SERPINA6: variants seen among roughly 807,000 people sequenced by gnomAD.
The protein encoded by SERPINA6 is serpin family A member 6, also known as corticosteroid-binding globulin.
SERPINA6 carries 19 observed loss-of-function variants against 26.4 expected under a neutral mutation model. That is an observed-to-expected ratio of 0.72 (90% CI 0.50 to 1.06). SERPINA6 has a LOEUF of 1.06. Ranked by LOEUF, SERPINA6 falls within the 50% of genes least tolerant of loss-of-function variation. SERPINA6 has a pLI of 0.00. For synonymous variants in SERPINA6, 196 were observed against 199.4 expected (o/e 0.98, Z 0.14); for missense variants, 473 against 504.0 (o/e 0.94, Z 0.59).
intron 2 of SERPINA6, among the ~76,000 whole-genome samples, chr14:94,311,014 G>C (rs1895521411): frequency 6.6e-6 from 1 of 152,190 alleles, no homozygotes; most frequent in African/African-American, 2.4e-5. Context: ...GGGATCTATG[G>C]ATTGCTCAGC....
intron 3 of SERPINA6, among the ~76,000 whole-genome samples, chr14:94,307,217 CT>C (rs1253862484): frequency 6.6e-6 from 1 of 151,916 alleles, no homozygotes; most frequent in Non-Finnish European, 1.5e-5. Context: ...TTTTTCTCCT[CT>C]CTCTGTCTCT....
intron 3 of SERPINA6, among the ~76,000 whole-genome samples, chr14:94,308,799 C>T (rs1895479270): frequency 6.6e-6 from 1 of 152,204 alleles, no homozygotes; most frequent in African/African-American, 2.4e-5. Context: ...ATCCATCCAA[C>T]CATCCACCCA....
intron 1 of SERPINA6, among the ~76,000 whole-genome samples, chr14:94,322,655 C>A (rs1423870337): frequency 1.3e-5 from 2 of 152,238 alleles, no homozygotes; most frequent in Non-Finnish European, 2.9e-5. Flanking sequence ...TCACTGTGTT[C>A]TCTGTTTTCA....
chr14:94,314,035 C>T lies in SERPINA6; in HGVS notation c.613+1G>A, dbSNP rs1387079048. 1 of 1,613,996 alleles carries T rather than the reference C, an allele frequency of 6.2e-7. No individual in the cohort carries two copies. The highest frequency in any genetic ancestry group is 8.5e-7 in the Non-Finnish European group (1 of 1,180,026). On this transcript the variant is annotated splice_donor_variant, in intron 2 of 4. Coordinates refer to ENST00000341584, the MANE Select transcript of SERPINA6 (RefSeq NM_001756.4). LOFTEE classifies it high-confidence loss of function. Reference sequence around the variant, plus strand: ...CTTCAGATGGGGATGGGTGGGAATACCTTTGAAGAAGATATAGTTGACCAG... The same window carrying T: ...CTTCAGATGGGGATGGGTGGGAATATCTTTGAAGAAGATATAGTTGACCAG...
chr14:94,310,409 C>T (rs1400278428), intron 2 of SERPINA6, among the ~76,000 whole-genome samples: 1 of 144,102 alleles, frequency 6.9e-6, no homozygotes, highest in Non-Finnish European at 1.6e-5. Context: ...AGCGAGGGGG[C>T]CATCTCCACC....
chr14:94,323,145 T>TGTTC (rs1254053714), intron 1 of SERPINA6, 122 bp downstream of exon 1: 1 of 152,262 alleles, frequency 6.6e-6, no homozygotes, highest in African/African-American at 2.4e-5. Context: ...GCTGCCCTAA[T>TGTTC]GTTCAATGTG....
At chr14:94,318,617 A>C (rs1354687144) in intron 1 of SERPINA6, among the ~76,000 whole-genome samples, 2 of 152,238 alleles carry the variant, frequency 1.3e-5, no homozygotes, top group Admixed American at 6.5e-5. Context: ...ATTTACATGC[A>C]AAATAATGAA....
At position 94,314,186 on chromosome 14, in the gene SERPINA6, C is replaced by T. The variant is rs1489270021; in HGVS notation, c.463G>A (p.Val155Ile). 8 of 1,614,236 alleles carry T rather than the reference C, an allele frequency of 5.0e-6. No homozygotes were observed. Among genetic ancestry groups the T allele is most frequent in the South Asian group, 1.1e-5 (1 of 91,086 alleles). ...ADIKHYYESE[V>I]LAMNFQDWAT... ...CAGTCCTGGAAATTCATAGCCAAGA[C>T]CTCTGACTCATAGTAGTGCTTGATG... is the stretch of plus-strand genomic sequence containing the variant. The change falls in exon 2 of 5, where the codon GTC becomes ATC. Residue 155 changes from valine to isoleucine, a missense_variant. Physicochemically the swap from Val to Ile is conservative, Grantham distance 29. Coordinates refer to ENST00000341584, the MANE Select transcript of SERPINA6 (RefSeq NM_001756.4).
intron 1 of SERPINA6, among the ~76,000 whole-genome samples, chr14:94,321,033 T>G (rs2139728835): frequency 6.6e-6 from 1 of 152,218 alleles, no homozygotes; most frequent in South Asian, 2.1e-4. Context: ...AGCACTGCCA[T>G]GTATGAATTA....
rs1178611854 is a variant in SERPINA6, at chr14:94,309,843, G to A, written c.777C>T (p.Gly259=). Residue 259 remains glycine (G), a synonymous_variant, in exon 3 of 5, where the codon GGC becomes GGT. Transcript: ENST00000341584. ...PCQLVQMNYV[G]NGTVFFILPD... ...GAAGGATGAAGAAGACAGTCCCATT[G>A]CCCACGTAGTTCATCTGCACCAGCT... 8 of 1,614,044 alleles carry A rather than the reference G, an allele frequency of 5.0e-6. No individual in the cohort carries two copies. Among genetic ancestry groups the A allele is most frequent in the South Asian group, 1.1e-5 (1 of 91,092 alleles).
At position 94,304,390 on chromosome 14, in the gene SERPINA6, A is replaced by T. The variant is rs199664506; in HGVS notation, c.*28T>A. 1.9e-4 allele frequency: 299 copies of T among 1,609,730 alleles called. 1 individual carries two copies. The Admixed American group carries it at 2.6e-3, about 14-fold the overall frequency. On this transcript the variant is annotated 3_prime_UTR_variant, in exon 5 of 5. Coordinates refer to ENST00000341584, the MANE Select transcript of SERPINA6 (RefSeq NM_001756.4). ...GGATCCCTGGTTCCCAAAGTCAGACAGTGCTGAGGCTCTGGGTGGGTGGTC... is the reference window on the plus strand; with the variant it reads ...GGATCCCTGGTTCCCAAAGTCAGACTGTGCTGAGGCTCTGGGTGGGTGGTC...
At chr14:94,306,662 C>T (rs1895446023) in intron 3 of SERPINA6, among the ~76,000 whole-genome samples, 1 of 152,324 alleles carries the variant, frequency 6.6e-6, no homozygotes, top group East Asian at 1.9e-4. Flanking sequence ...AGTCCAGCCC[C>T]TCTCTGTGCT....
chr14:94,317,601 C>T (rs1238641349), intron 1 of SERPINA6, among the ~76,000 whole-genome samples: 2 of 152,220 alleles, frequency 1.3e-5, no homozygotes, highest in East Asian at 3.8e-4. Context: ...ATTCACACCT[C>T]AAAGTGTCTG....
chr14:94,312,072 T>C (rs1895539169), intron 2 of SERPINA6, among the ~76,000 whole-genome samples: 3 of 152,256 alleles, frequency 2.0e-5, no homozygotes, highest in Admixed American at 2.0e-4. Flanking sequence ...CTAGAAATAT[T>C]TCAGAGTATT....
intron 2 of SERPINA6, among the ~76,000 whole-genome samples, chr14:94,312,869 G>A (rs1027290171): frequency 6.6e-6 from 1 of 152,190 alleles, no homozygotes; most frequent in Non-Finnish European, 1.5e-5. Context: ...GAGGGGTCCT[G>A]GCTGGGGATC....
At chr14:94,316,239 AT>A (rs1336587145) in intron 1 of SERPINA6, among the ~76,000 whole-genome samples, 1 of 152,302 alleles carries the variant, frequency 6.6e-6, no homozygotes, top group East Asian at 1.9e-4. Flanking sequence ...TTAGTATGAT[AT>A]CTGTCTTTTA....
At chr14:94,320,605 TC>T (rs1174273092) in intron 1 of SERPINA6, among the ~76,000 whole-genome samples, 1 of 152,234 alleles carries the variant, frequency 6.6e-6, no homozygotes, top group Non-Finnish European at 1.5e-5. Context: ...GTTTAATTTG[TC>T]TAAAGTTTTC....
At chr14:94,321,744 G>C (rs758310706) in intron 1 of SERPINA6, among the ~76,000 whole-genome samples, 1 of 152,100 alleles carries the variant, frequency 6.6e-6, no homozygotes, top group Non-Finnish European at 1.5e-5. Flanking sequence ...CCAGGTCACC[G>C]CCTCCAGGAA....
At chr14:94,311,220 G>A (rs138666533) in intron 2 of SERPINA6, among the ~76,000 whole-genome samples, 36 of 152,240 alleles carry the variant, frequency 2.4e-4, no homozygotes, top group African/African-American at 8.4e-4. Flanking sequence ...TAAACTCACC[G>A]TCCGTCTGTC....
Sources: gnomAD v4.1 joint callset for allele counts (sites outside exome capture counted in the v4.1 genomes callset) on GRCh38, gnomAD v4.1.1 for gene constraint, MANE v1.5 for transcripts, NCBI Gene and HGNC (gene_info 2026-07-23, HGNC 2026-07-21) for gene names.